Variants in SULT2B1 observed in about 807,000 individuals in gnomAD.
The protein encoded by SULT2B1 is sulfotransferase family 2B member 1, also known as sulfotransferase 2B1.
In SULT2B1, 16 loss-of-function variants were observed where a neutral mutation model predicts 33.2. That is an observed-to-expected ratio of 0.48 (90% CI 0.33 to 0.73). The LOEUF (loss-of-function observed/expected upper bound fraction) is 0.73. SULT2B1 is among the 30% of genes least tolerant of loss of function. The pLI is 0.02. For missense variants in SULT2B1, 500 were observed against 506.0 expected (o/e 0.99, Z 0.11); for synonymous variants, 186 against 200.5 (o/e 0.93, Z 0.61).
intron 1 of SULT2B1, among the ~76,000 whole-genome samples, chr19:48,564,872 C>A (rs1973225511): frequency 6.6e-6 from 1 of 152,010 alleles, no homozygotes; most frequent in East Asian, 1.9e-4. Flanking sequence ...CTCACTGCAA[C>A]CTCTGCCCCC....
At chr19:48,586,707 A>G (rs559010104) in intron 2 of SULT2B1, among the ~76,000 whole-genome samples, 4 of 152,336 alleles carry the variant, frequency 2.6e-5, no homozygotes, top group African/African-American at 9.6e-5. Context: ...GACGAGCGAC[A>G]TGGTTTCTGT....
chr19:48,586,999 A>G (rs143264867), intron 2 of SULT2B1, among the ~76,000 whole-genome samples: 1 of 151,714 alleles, frequency 6.6e-6, no homozygotes, highest in East Asian at 1.9e-4. Flanking sequence ...AATGCTAGCT[A>G]CTCGGCTGAG....
intron 1 of SULT2B1, among the ~76,000 whole-genome samples, chr19:48,561,300 T>C (rs1048854222): frequency 4.0e-5 from 6 of 151,016 alleles, no homozygotes; most frequent in African/African-American, 1.2e-4. Context: ...TGGTGGCACA[T>C]GCCTGTAATC....
At chr19:48,574,781 C>A (rs529995844) in intron 1 of SULT2B1, among the ~76,000 whole-genome samples, 11 of 152,308 alleles carry the variant, frequency 7.2e-5, no homozygotes, top group African/African-American at 2.4e-4. Flanking sequence ...AGCCAAGGCC[C>A]AGCAGGCGCT....
intron 3 of SULT2B1, 95 bp from the exon 4 acceptor site, chr19:48,591,514 T>G: frequency 7.2e-7 from 1 of 1,394,674 alleles, no homozygotes; most frequent in Non-Finnish European, 9.6e-7. Flanking sequence ...TGCTTCAGGG[T>G]CAGAAGAGAG....
intron 1 of SULT2B1, among the ~76,000 whole-genome samples, chr19:48,566,832 ACT>A (rs1482052621): frequency 6.7e-6 from 1 of 148,502 alleles, no homozygotes; most frequent in Admixed American, 6.7e-5. Context: ...ACACAGTGAG[ACT>A]CTGTCAAAAA....
At chr19:48,563,050 T>C (rs939624780) in intron 1 of SULT2B1, among the ~76,000 whole-genome samples, 1 of 152,140 alleles carries the variant, frequency 6.6e-6, no homozygotes, top group Admixed American at 6.6e-5. Context: ...ACTTTCCCTA[T>C]CAGATCTTTT....
At chr19:48,588,132 C>T (rs1031215725) in intron 3 of SULT2B1, among the ~76,000 whole-genome samples, 3 of 150,726 alleles carry the variant, frequency 2.0e-5, no homozygotes, top group Admixed American at 6.7e-5. Flanking sequence ...ATTGCTGGAA[C>T]CTGGGAGGTG....
intron 4 of SULT2B1, 21 bp from the exon 5 acceptor site, chr19:48,592,701 C>G (rs115108651): frequency 5.1e-6 from 8 of 1,570,894 alleles, no homozygotes; most frequent in East Asian, 2.3e-5. Flanking sequence ...GCCCTCACCC[C>G]ACTTGTCCCT....
chr19:48,597,178 C>T (rs375003835), intron 6 of SULT2B1, among the ~76,000 whole-genome samples: 34 of 152,132 alleles, frequency 2.2e-4, no homozygotes, highest in African/African-American at 6.7e-4. Flanking sequence ...CAGGTTTACC[C>T]GAGAGAGATT....
chr19:48,570,724 G>C (rs56935911), intron 1 of SULT2B1, among the ~76,000 whole-genome samples: 2 of 39,736 alleles, frequency 5.0e-5, no homozygotes, highest in Non-Finnish European at 1.2e-4. Flanking sequence ...TTCCGTTTTT[G>C]TTTTTGTTTT....
intron 1 of SULT2B1, 139 bp from the exon 2 acceptor site, chr19:48,575,802 A>G (rs1973397168): frequency 6.9e-7 from 1 of 1,440,706 alleles, no homozygotes; most frequent in East Asian, 2.4e-5. Flanking sequence ...GTTTATAGGG[A>G]CAGTGTCACC....
intron 2 of SULT2B1, among the ~76,000 whole-genome samples, chr19:48,578,812 G>T (rs1302675983): frequency 6.6e-6 from 1 of 152,074 alleles, no homozygotes; most frequent in African/African-American, 2.4e-5. Context: ...GGGGGTAGAG[G>T]TTGCAGTGAG....
chr19:48,593,861 T>C (rs559863665), intron 5 of SULT2B1, among the ~76,000 whole-genome samples: 2 of 150,346 alleles, frequency 1.3e-5, no homozygotes, highest in East Asian at 2.1e-4. Flanking sequence ...CTTGAACTCC[T>C]GACCTCAGGT....
intron 1 of SULT2B1, among the ~76,000 whole-genome samples, chr19:48,565,660 G>A (rs1973234828): frequency 6.6e-6 from 1 of 152,094 alleles, no homozygotes; most frequent in South Asian, 2.1e-4. Context: ...GATTACAGAT[G>A]TGAGCCACTG....
intron 2 of SULT2B1, among the ~76,000 whole-genome samples, chr19:48,586,134 A>C (rs149373811): frequency 1.7e-3 from 259 of 152,130 alleles, no homozygotes; most frequent in African/African-American, 5.9e-3. Flanking sequence ...AGGCAGGAGG[A>C]TCTCTTAAGC....
Position 48,599,145 on chromosome 19 carries a change from C to A in SULT2B1, c.837C>A (p.Gly279=). The change falls in exon 7 of 7, where the codon GGC becomes GGA. Residue 279 remains glycine, a synonymous_variant. Transcript: ENST00000201586. This position sits in a 1 kb window ranked among gnomAD's most constrained non-coding sequence, Gnocchi z 4.1. The part of the protein sequence containing the change: ...RGAFLRKGVC[G]DWKNHFTVAQ... ...CCCCCTCTTCTCCAGGGGTCTGCGG[C>A]GACTGGAAGAACCACTTCACGGTGG... 2 of 1,583,220 alleles carry A rather than the reference C, an allele frequency of 1.3e-6. No homozygotes were observed. Among genetic ancestry groups the A allele is most frequent in the Non-Finnish European group, 1.7e-6 (2 of 1,168,736 alleles).
chr19:48,575,385 G>C (rs1236153480), intron 1 of SULT2B1, among the ~76,000 whole-genome samples: 2 of 150,052 alleles, frequency 1.3e-5, no homozygotes, highest in Non-Finnish European at 3.0e-5. Context: ...TGATCCACCC[G>C]CCTTGACCTC....
At chr19:48,564,781 C>T (rs1973224817) in intron 1 of SULT2B1, among the ~76,000 whole-genome samples, 1 of 151,562 alleles carries the variant, frequency 6.6e-6, no homozygotes, top group Admixed American at 6.6e-5. Flanking sequence ...TCTATCAATC[C>T]TTCTGGGTTT....
Sources: allele counts gnomAD v4.1 joint callset (sites outside exome capture counted in the v4.1 genomes callset), GRCh38; gene constraint gnomAD v4.1.1; non-coding constraint Gnocchi (gnomAD v3.1); transcripts MANE v1.5; gene names NCBI Gene and HGNC (gene_info 2026-07-23, HGNC 2026-07-21).